The following SLC4A8 variants were observed in gnomAD, a reference collection of about 807,000 sequenced individuals.
SLC4A8 encodes electroneutral sodium bicarbonate exchanger 1.
SLC4A8 carries 40 observed loss-of-function variants against 125.0 expected under a neutral mutation model. The ratio of observed to expected loss-of-function variants is 0.32; its 90% confidence interval spans 0.25 to 0.42. The LOEUF (loss-of-function observed/expected upper bound fraction) is 0.42. Ranked by LOEUF, SLC4A8 falls within the 10% of genes least tolerant of loss-of-function variation. The pLI is 1.00. For synonymous variants in SLC4A8, 456 were observed against 476.0 expected, an observed-to-expected ratio of 0.96 and a Z score of 0.55; for missense variants, 863 against 1,355.1, an observed-to-expected ratio of 0.64 and a Z score of 5.70.
At position 51,493,691 on chromosome 12, in the gene SLC4A8, C is replaced by G; in HGVS notation, c.2701-13C>G. ...AATTTAATTTCTGGCCTTTCTTGTC[C>G]TTTTGTCTTCAGTTTATTCCAATGC... is the stretch of plus-strand genomic sequence containing the variant. On this transcript the variant is annotated splice_polypyrimidine_tract_variant and intron_variant, in intron 19 of 24. Transcript: ENST00000453097. 1 of 1,586,850 alleles carries G rather than the reference C, an allele frequency of 6.3e-7. No homozygotes were observed. Among genetic ancestry groups the G allele is most frequent in the South Asian group, 1.1e-5 (1 of 90,462 alleles).
intron 15 of SLC4A8, 107 bp downstream of exon 15, chr12:51,474,554 G>T (rs1402026739): frequency 6.8e-7 from 1 of 1,468,550 alleles, no homozygotes; most frequent in Non-Finnish European, 9.1e-7. Context: ...GGCATTTACC[G>T]AAATAAAGCT....
chr12:51,433,282 C>G (rs548487499), intron 1 of SLC4A8, among the ~76,000 whole-genome samples: 2 of 152,288 alleles, frequency 1.3e-5, no homozygotes, highest in African/African-American at 4.8e-5. Context: ...TTCTTTTTAT[C>G]TATCTAGTCC....
intron 1 of SLC4A8, among the ~76,000 whole-genome samples, chr12:51,411,211 G>C (rs1948591623): frequency 6.6e-6 from 1 of 151,736 alleles, no homozygotes; most frequent in African/African-American, 2.4e-5. Flanking sequence ...GCAATAATTT[G>C]GTTAGTTGAT....
intron 12 of SLC4A8, 33 bp downstream of exon 12, chr12:51,469,821 A>C (rs780261646): frequency 6.2e-6 from 10 of 1,604,428 alleles, no homozygotes; most frequent in Middle Eastern, 1.7e-4. Context: ...AATGATCCCA[A>C]ACAAGACCTA....
At chr12:51,493,663 C>A (rs375158733) in intron 19 of SLC4A8, 41 bp from the exon 20 acceptor site, 2 of 1,346,822 alleles carry the variant, frequency 1.5e-6, no homozygotes, top group South Asian at 2.3e-5. Flanking sequence ...TGCTATGATA[C>A]CAAATTTAAT....
intron 1 of SLC4A8, among the ~76,000 whole-genome samples, chr12:51,433,880 G>GTTTTTTTTTTTTTTTTTT (rs1565772475): frequency 4.2e-5 from 3 of 71,736 alleles, no homozygotes; most frequent in Middle Eastern, 7.1e-3. Flanking sequence ...TTTTTTTTTG[G>GTTTTTTTTTTTTTTTTTT]TTGGTTTTTT....
intron 1 of SLC4A8, among the ~76,000 whole-genome samples, chr12:51,419,818 G>A (rs1018659468): frequency 8.5e-5 from 13 of 152,250 alleles, no homozygotes; most frequent in Non-Finnish European, 1.8e-4. Context: ...GGAGCAAAGT[G>A]TAACTGAGTG....
chr12:51,397,219 C>T (rs947787146), intron 1 of SLC4A8, among the ~76,000 whole-genome samples: 3 of 152,138 alleles, frequency 2.0e-5, no homozygotes, highest in South Asian at 2.1e-4. Flanking sequence ...TGAGCCACCA[C>T]GCCCGGTCTC....
At chr12:51,494,680 A>C in intron 20 of SLC4A8, 2 of 310,764 alleles carry the variant, frequency 6.4e-6, no homozygotes, top group Non-Finnish European at 1.2e-5. Flanking sequence ...CCCCTGAGAA[A>C]GAGCTCTCTT....
chr12:51,404,681 G>A (rs1306363652), intron 1 of SLC4A8, among the ~76,000 whole-genome samples: 2 of 152,122 alleles, frequency 1.3e-5, no homozygotes, highest in African/African-American at 2.4e-5. Context: ...TGAAGCCAAC[G>A]CTGAGAAAGC....
chr12:51,492,477 G>A (rs1438574261), intron 19 of SLC4A8, among the ~76,000 whole-genome samples: 1 of 152,068 alleles, frequency 6.6e-6, no homozygotes, highest in Non-Finnish European at 1.5e-5. Context: ...GGCACCATCT[G>A]GAAGAGCCTA....
chr12:51,502,651 T>A (rs1019296604), intron 22 of SLC4A8, among the ~76,000 whole-genome samples: 6 of 150,506 alleles, frequency 4.0e-5, no homozygotes, highest in African/African-American at 1.5e-4. Flanking sequence ...ACAAAGAGAC[T>A]CCATTTCACA....
chr12:51,488,925 G>T (rs1951231166), intron 18 of SLC4A8, 65 bp downstream of exon 18: 1 of 1,339,674 alleles, frequency 7.5e-7, no homozygotes, highest in African/African-American at 1.5e-5. Context: ...AAAATTTTAG[G>T]GTAAGCACAT....
chr12:51,410,882 T>C (rs1006658678), intron 1 of SLC4A8, among the ~76,000 whole-genome samples: 5 of 149,030 alleles, frequency 3.4e-5, no homozygotes, highest in African/African-American at 9.9e-5. Flanking sequence ...TTTTCTTTTT[T>C]TTTTTTTTTT....
chr12:51,458,727 C>T (rs6580835), intron 7 of SLC4A8, 77 bp downstream of exon 7: 521,306 of 1,010,564 alleles, frequency 0.52, 136,531 homozygotes, highest in Non-Finnish European at 0.54. Context: ...TTGCTGGAAT[C>T]TGGGTAAGGT....
At chr12:51,420,332 G>C (rs1039840599), upstream of SLC4A8, 1 of 152,162 alleles carries the variant, frequency 6.6e-6, no homozygotes, top group East Asian at 1.9e-4. Context: ...AGTTCACATA[G>C]AACAAGAGAC....
intron 6 of SLC4A8, among the ~76,000 whole-genome samples, chr12:51,458,295 G>C (rs920412970): frequency 1.3e-5 from 2 of 152,154 alleles, no homozygotes; most frequent in African/African-American, 2.4e-5. Flanking sequence ...TCTGGTGAAG[G>C]ATTACTGCCT....
intron 1 of SLC4A8, among the ~76,000 whole-genome samples, chr12:51,402,613 C>T (rs972090266): frequency 6.6e-6 from 1 of 151,990 alleles, no homozygotes; most frequent in African/African-American, 2.4e-5. Flanking sequence ...TCCCAGCTAC[C>T]TGGGAGACTG....
chr12:51,474,224 GA>G, intron 14 of SLC4A8, 117 bp from the exon 15 acceptor site: 2 of 601,838 alleles, frequency 3.3e-6, no homozygotes, highest in Non-Finnish European at 5.9e-6. Flanking sequence ...CCTCAGGTCT[GA>G]AGTATGCAAA....
Sources: allele counts gnomAD v4.1 joint callset (sites outside exome capture counted in the v4.1 genomes callset), GRCh38; gene constraint gnomAD v4.1.1; transcripts MANE v1.5; gene names NCBI Gene and HGNC (gene_info 2026-07-23, HGNC 2026-07-21).